The following RGS11 variants were observed in gnomAD, a reference collection of about 807,000 sequenced individuals.
The protein encoded by RGS11 is regulator of G protein signaling 11.
A neutral mutation model predicts 71.1 loss-of-function variants in RGS11; 86 were observed. The observed-to-expected ratio is 1.21, with a 90% CI of 1.02 to 1.45. The LOEUF (loss-of-function observed/expected upper bound fraction) is 1.45, where lower values mean the gene tolerates loss of function less well. RGS11 is among the 40% of genes most tolerant of loss of function. The probability of loss-of-function intolerance (pLI) is 0.00; values close to 1 mark genes in which losing one functional copy is unlikely to be tolerated. For missense variants in RGS11, 734 were observed against 635.1 expected (o/e 1.16, Z -1.67); for synonymous variants, 298 against 254.2 (o/e 1.17, Z -1.64).
chr16:269,762 C>T (rs60300448), intron 15 of RGS11, 177 bp from the exon 16 acceptor site: 57,340 of 578,752 alleles, frequency 0.099, 4,168 homozygotes, highest in East Asian at 0.3. Context: ...GCAGGGAGAC[C>T]TGGGCTCCCG....
At position 270,965 on chromosome 16, in the gene RGS11, G is replaced by T; in HGVS notation, c.979+19C>A. 6.3e-7 allele frequency: 1 copy of T among 1,596,302 alleles called. No homozygotes were observed. Among genetic ancestry groups the T allele is most frequent in the Non-Finnish European group, 8.6e-7 (1 of 1,165,728 alleles). ...CAGCCTCCCCGCTGGGACTGGAGCA[G>T]GGGCTGGGGGGTTCTCACCACTGAA... On this transcript the variant is annotated intron_variant, in intron 13 of 16. Transcript: ENST00000397770.
rs1024764134 is a variant in RGS11, at chr16:268,845, G to A, written c.*424C>T. On this transcript the variant is annotated 3_prime_UTR_variant, in exon 17 of 17. Transcript: ENST00000397770. ...CTCGCGCCGAGACCTGCATGTCCGCGTCTTGTGACGGGTGTGTGGGAAGCC... is the reference window on the plus strand; with the variant it reads ...CTCGCGCCGAGACCTGCATGTCCGCATCTTGTGACGGGTGTGTGGGAAGCC... 2.4e-5 allele frequency: 37 copies of A among 1,550,298 alleles called. No homozygotes were observed. Among genetic ancestry groups the A allele is most frequent in the African/African-American group, 2.7e-5 (2 of 73,036 alleles).
rs953148352 is a variant in RGS11 at position 271,426 on chromosome 16, C to G, written c.722G>C (p.Arg241Pro). The G allele has an allele frequency of 2.6e-5, 42 of 1,613,634 alleles. No individual in the cohort carries two copies. Among genetic ancestry groups the G allele is most frequent in the Non-Finnish European group, 3.6e-5 (42 of 1,180,028 alleles). The stretch of plus-strand genomic sequence containing the variant: ...CTCAAGGCAGACGGAGGACTTCACT[C>G]GGGTCCTGCCCAGCGCTTTCCTGAA... ...EYFRKALGRTRVKSSVCLEAY... is the reference protein window; with the variant it reads ...EYFRKALGRTPVKSSVCLEAY... Residue 241 changes from arginine to proline, a missense_variant, in exon 11 of 17, where the codon CGA becomes CCA. Coordinates refer to ENST00000397770, the MANE Select transcript of RGS11 (RefSeq NM_183337.3).
Position 270,825 on chromosome 16 carries a change from T to C in RGS11, c.986A>G (p.Asn329Ser). The C allele has an allele frequency of 1.2e-6, 2 of 1,610,904 alleles. No homozygotes were observed. The highest frequency in any genetic ancestry group is 1.7e-6 in the Non-Finnish European group (2 of 1,179,358). Residue 329 changes from asparagine to serine, a missense_variant, in exon 14 of 17, where the codon AAC becomes AGC. Coordinates refer to ENST00000397770, the MANE Select transcript of RGS11 (RefSeq NM_183337.3). ...CTCACATGCCTCCCAGAAGCTGAGG[T>C]TTTCTCCTGGGGGGCCGGGCACCCA... Reference protein sequence around the residue: ...DFLGKEFSGENLSFWEACEEL... With the variant: ...DFLGKEFSGESLSFWEACEEL...
intron 1 of RGS11, 73 bp from the exon 2 acceptor site, chr16:275,571 C>G (rs2052136021): frequency 7.7e-7 from 1 of 1,295,220 alleles, no homozygotes; most frequent in Non-Finnish European, 1.1e-6. Context: ...GCCGGGATGC[C>G]CCGGATCCGG....
chr16:272,535 C>T (rs1202443750), intron 9 of RGS11: 6 of 1,406,874 alleles, frequency 4.3e-6, no homozygotes, highest in Non-Finnish European at 5.6e-6. Flanking sequence ...CTGTCAGAGG[C>T]CGTAACCCTG....
chr16:274,285 A>G lies in RGS11; in HGVS notation c.319-20T>C. 1 of 1,604,974 alleles carries G rather than the reference A, an allele frequency of 6.2e-7. No individual in the cohort carries two copies. Among genetic ancestry groups the G allele is most frequent in the Non-Finnish European group, 8.5e-7 (1 of 1,176,190 alleles). On this transcript the variant is annotated intron_variant, in intron 4 of 16. Transcript: ENST00000397770. ...CGGGGTCTGGCGTGGTGCAGGGAGA[A>G]GGTGTCCAGGACGCCTGCGTCTGTG... is the stretch of plus-strand genomic sequence containing the variant.
intron 8 of RGS11, 73 bp downstream of exon 8, chr16:273,402 G>A (rs1275198573): frequency 8.5e-7 from 1 of 1,175,326 alleles, no homozygotes; most frequent in African/African-American, 1.5e-5. Flanking sequence ...GTGGTCCTGA[G>A]AGCGCCTGTC....
In RGS11 at chr16:273,759, C is replaced by T. The variant is rs144537622; in HGVS notation, c.506+1G>A. 5.0e-6 allele frequency: 8 copies of T among 1,612,132 alleles called. No individual in the cohort carries two copies. The highest frequency in any genetic ancestry group is 5.9e-6 in the Non-Finnish European group (7 of 1,179,476). Reference sequence around the variant, plus strand: ...CGGGGCGGGGCAGGGCGGGGCCTCACCTCAGCTGCTCCCTCGCCTGCATCA... The same window carrying T: ...CGGGGCGGGGCAGGGCGGGGCCTCATCTCAGCTGCTCCCTCGCCTGCATCA... On this transcript the variant is annotated splice_donor_variant, in intron 7 of 16. Coordinates refer to ENST00000397770, the MANE Select transcript of RGS11 (RefSeq NM_183337.3). LOFTEE classifies it high-confidence loss of function.
chr16:275,269 G>T lies in RGS11; in HGVS notation c.211+14C>A, dbSNP rs758200245. ...CCAGTGACCCCAGGGCCCAGTGGGA[G>T]GCAGGGCGCTCACCCTCCTCCGAGA... is the stretch of plus-strand genomic sequence containing the variant. On this transcript the variant is annotated intron_variant, in intron 3 of 16. Coordinates refer to ENST00000397770, the MANE Select transcript of RGS11 (RefSeq NM_183337.3). 1.2e-6 allele frequency: 2 copies of T among 1,612,482 alleles called. No individual in the cohort carries two copies. Among genetic ancestry groups the T allele is most frequent in the Non-Finnish European group, 1.7e-6 (2 of 1,179,768 alleles).
In RGS11 at chr16:269,342, C is replaced by G; in HGVS notation, c.1331G>C (p.Ser444Thr). 3 of 1,603,450 alleles carry G rather than the reference C, an allele frequency of 1.9e-6. No homozygotes were observed. The highest frequency in any genetic ancestry group is 2.6e-6 in the Non-Finnish European group (3 of 1,175,976). The change falls in exon 17 of 17, where the codon AGC becomes ACC. Residue 444 changes from serine to threonine, a missense_variant. Physicochemically the swap from Ser to Thr is moderately conservative, Grantham distance 58. Transcript: ENST00000397770. ...CACAGGGGTGGGAAGGAGTGCAGGG[C>G]TGGGGCTCGAGTGCCGTGGCCTCCA... ...FTWRPRHSSP[S>T]PALLPTPVEP...
In RGS11 at chr16:275,892, G is replaced by T; in HGVS notation, c.20C>A (p.Pro7Gln). MAAGPA[P>Q]PPGRPRAQMP... ...CTGCGCCCGGGGGCGGCCGGGGGGCGGCGCGGGGCCGGCGGCCATGGCTGC... is the reference window on the plus strand; with the variant it reads ...CTGCGCCCGGGGGCGGCCGGGGGGCTGCGCGGGGCCGGCGGCCATGGCTGC... Residue 7 changes from proline (P) to glutamine (Q), a missense_variant, in exon 1 of 17, where the codon CCG (proline) becomes CAG (glutamine). By Grantham distance (76) the Pro-to-Gln change is moderately conservative. Transcript: ENST00000397770. The T allele has an allele frequency of 1.1e-6, 1 of 927,860 alleles. No homozygotes were observed. Among genetic ancestry groups the T allele is most frequent in the South Asian group, 4.9e-5 (1 of 20,324 alleles). 57.5% of individuals were successfully genotyped at this position (927,860 alleles called of 1,614,324 possible).
In RGS11 at chr16:274,804, T is replaced by TG. The variant is rs1054937242; in HGVS notation, c.318+171dup. On this transcript the variant is annotated intron_variant, in intron 4 of 16. Transcript: ENST00000397770. ...GGGTCCTTCTCACCACATCCGTACT[T>TG]GCGGTCCAGGACTTTTGGGGAGGGG... 7.9e-6 allele frequency: 7 copies of TG among 887,474 alleles called. No individual in the cohort carries two copies. In the African/African-American group the frequency reaches 1.2e-4, roughly 15 times the overall value. The allele number at this position is 887,474 out of a possible 1,614,324, so 55.0% of individuals were successfully genotyped here.
chr16:272,817 C>G (rs570556030), intron 9 of RGS11, 46 bp downstream of exon 9: 1 of 1,537,764 alleles, frequency 6.5e-7, no homozygotes, highest in African/African-American at 1.4e-5. Context: ...AGGGTGCAGC[C>G]GGTGTGCAGG....
chr16:269,801 T>C (rs9933285), intron 15 of RGS11: 14,287 of 537,634 alleles, frequency 0.027, 1,509 homozygotes, highest in African/African-American at 0.24. Flanking sequence ...CAGCAAAAAA[T>C]GGCAAGAGCC....
In RGS11 at chr16:275,353, G is replaced by A. The variant is rs757982315; in HGVS notation, c.161-20C>T. 7.4e-6 allele frequency: 12 copies of A among 1,611,648 alleles called. No individual in the cohort carries two copies. The highest frequency in any genetic ancestry group is 9.3e-6 in the Non-Finnish European group (11 of 1,179,760). ...CGCTGCCTGCACGGGAGAGACAGAG[G>A]TGGAGGGAGGCCGAGGCGCGCACGC... On this transcript the variant is annotated intron_variant, in intron 2 of 16. Coordinates refer to ENST00000397770, the MANE Select transcript of RGS11 (RefSeq NM_183337.3).
Position 274,959 on chromosome 16 carries a change from G to GCAC in RGS11, c.318+14_318+16dup. 3 of 1,541,874 alleles carry GCAC rather than the reference G, an allele frequency of 1.9e-6. No homozygotes were observed. Among genetic ancestry groups the GCAC allele is most frequent in the Non-Finnish European group, 2.6e-6 (3 of 1,142,372 alleles). ...GTGGGGGTCCCACCGGCTCCCACCT[G>GCAC]CACCCCCGAGCCTGACCTGGAACCT... On this transcript the variant is annotated intron_variant, in intron 4 of 16. Coordinates refer to ENST00000397770, the MANE Select transcript of RGS11 (RefSeq NM_183337.3).
Position 272,884 on chromosome 16 carries a change from G to A in RGS11, c.636C>T (p.Cys212=), listed in dbSNP as rs559125782. ...TCACCATGAGCACACGGCTGGCAGCGCAGGATCCCCGCCCTGGACCCTGCT... is the reference window on the plus strand; with the variant it reads ...TCACCATGAGCACACGGCTGGCAGCACAGGATCCCCGCCCTGGACCCTGCT... The part of the protein sequence containing the change: ...VLEQGPGRGS[C]AASRVLMTKS... The change falls in exon 9 of 17, where the codon TGC becomes TGT. Residue 212 remains cysteine (C), a synonymous_variant. Coordinates refer to ENST00000397770, the MANE Select transcript of RGS11 (RefSeq NM_183337.3). 44 of 1,539,396 alleles carry A rather than the reference G, an allele frequency of 2.9e-5. No homozygotes were observed. The highest frequency in any genetic ancestry group is 4.8e-5 in the South Asian group (4 of 83,158).
intron 15 of RGS11, chr16:269,823 G>A (rs112877257): frequency 3.9e-5 from 20 of 510,340 alleles, no homozygotes; most frequent in Non-Finnish European, 6.3e-5. Flanking sequence ...TGGTGGCCAC[G>A]TGTAGAGGAA....
Sources: gnomAD v4.1 joint callset for allele counts on GRCh38, gnomAD v4.1.1 for gene constraint, MANE v1.5 for transcripts, NCBI Gene and HGNC (gene_info 2026-07-23, HGNC 2026-07-21) for gene names.